ACVR1: variants seen among roughly 807,000 people sequenced by gnomAD.
The protein encoded by ACVR1 is activin A receptor type 1.
ACVR1 carries 38 observed loss-of-function variants against 57.1 expected under a neutral mutation model. The observed-to-expected ratio is 0.67, with a 90% CI of 0.51 to 0.87. The LOEUF is 0.87. ACVR1 is among the 40% of genes least tolerant of loss of function. The probability of loss-of-function intolerance (pLI) is 0.00; values close to 1 mark genes in which losing one functional copy is unlikely to be tolerated. For missense variants in ACVR1, 463 were observed against 638.2 expected (o/e 0.73, Z 2.96); for synonymous variants, 212 against 228.1 (o/e 0.93, Z 0.63).
rs1158994830 is a variant in ACVR1, at chr2:157,737,236, CT to C, written c.*294del. 4 of 489,574 alleles carry C rather than the reference CT, an allele frequency of 8.2e-6. No homozygotes were observed. The highest frequency in any genetic ancestry group is 1.5e-5 in the Non-Finnish European group (4 of 267,680). 30.3% of individuals were successfully genotyped at this position (489,574 alleles called of 1,614,324 possible). A position where few individuals can be genotyped will look rare whatever the true frequency, so the allele number is the denominator to read the frequency against. Reference sequence around the variant, plus strand: ...AGCCACTGACTTAATGCCCAGATCTCTTTTAGGATTTCTCTGTGTTCCTCCA... The same window carrying C: ...AGCCACTGACTTAATGCCCAGATCTCTTTAGGATTTCTCTGTGTTCCTCCA... On this transcript the variant is annotated 3_prime_UTR_variant, in exon 11 of 11. Transcript: ENST00000434821.
intron 6 of ACVR1, among the ~76,000 whole-genome samples, chr2:157,773,035 T>C (rs1012250130): frequency 1.3e-5 from 2 of 152,060 alleles, no homozygotes; most frequent in East Asian, 3.9e-4. Flanking sequence ...GGGGGCAGCT[T>C]ATAGGTCACC....
At chr2:157,786,527 A>T (rs1294548754) in intron 3 of ACVR1, among the ~76,000 whole-genome samples, 1 of 152,202 alleles carries the variant, frequency 6.6e-6, no homozygotes, top group Non-Finnish European at 1.5e-5. Flanking sequence ...ATTTCTTCCT[A>T]GAAGAGCTTG....
In ACVR1 at chr2:157,780,542, G is replaced by T; in HGVS notation, c.126C>A (p.Cys42Ter). ...GGCCTTCACAGTGGTCCTCATTACCGCAGGAGAGACCTTCACACACACACA... is the reference window on the plus strand; with the variant it reads ...GGCCTTCACAGTGGTCCTCATTACCTCAGGAGAGACCTTCACACACACACA... ...LYMCVCEGLS[C>*]GNEDHCEGQQ... is the part of the protein sequence containing the mutation. Residue 42 changes from cysteine (C) to a stop codon, truncating the protein, a stop_gained, in exon 4 of 11, where the codon TGC becomes TGA. Transcript: ENST00000434821. LOFTEE classifies it high-confidence loss of function. The T allele has an allele frequency of 6.2e-7, 1 of 1,613,814 alleles. No homozygotes were observed. The highest frequency in any genetic ancestry group is 8.5e-7 in the Non-Finnish European group (1 of 1,179,982).
chr2:157,859,049 CA>C (rs1238913112), intron 1 of ACVR1, among the ~76,000 whole-genome samples: 2 of 152,176 alleles, frequency 1.3e-5, no homozygotes, highest in Non-Finnish European at 2.9e-5. Flanking sequence ...GCATTTGAAT[CA>C]GAGCAACTCC....
At chr2:157,843,496 T>C (rs1195664298) in intron 1 of ACVR1, among the ~76,000 whole-genome samples, 1 of 152,146 alleles carries the variant, frequency 6.6e-6, no homozygotes, top group African/African-American at 2.4e-5. Context: ...AATTATCATC[T>C]CCATTACACA....
At chr2:157,770,625 T>A in intron 6 of ACVR1, 111 bp from the exon 7 acceptor site, 1 of 1,097,814 alleles carries the variant, frequency 9.1e-7, no homozygotes. Flanking sequence ...CCTCCATTGC[T>A]TACTGGAGAA....
chr2:157,814,397 G>A (rs2105324465), intron 2 of ACVR1, among the ~76,000 whole-genome samples: 1 of 152,198 alleles, frequency 6.6e-6, no homozygotes, highest in Non-Finnish European at 1.5e-5. Flanking sequence ...ATCAAACTAA[G>A]AAAAATGCAA....
intron 9 of ACVR1, among the ~76,000 whole-genome samples, chr2:157,760,456 T>C (rs932203887): frequency 6.6e-6 from 1 of 152,214 alleles, no homozygotes; most frequent in African/African-American, 2.4e-5. Context: ...GAAGAGACTA[T>C]TTGAAATGTT....
intron 1 of ACVR1, among the ~76,000 whole-genome samples, chr2:157,848,804 G>C (rs1689208184): frequency 6.6e-6 from 1 of 152,146 alleles, no homozygotes; most frequent in Non-Finnish European, 1.5e-5. Context: ...GTTGATGGTT[G>C]AAAGTCAAGG....
At chr2:157,806,289 C>T (rs1345931879) in intron 2 of ACVR1, among the ~76,000 whole-genome samples, 1 of 152,040 alleles carries the variant, frequency 6.6e-6, no homozygotes, top group Non-Finnish European at 1.5e-5. Context: ...TACTCTGTGA[C>T]CCCCAATCAT....
chr2:157,790,778 C>T (rs1331388036), intron 3 of ACVR1, among the ~76,000 whole-genome samples: 1 of 152,204 alleles, frequency 6.6e-6, no homozygotes, highest in East Asian at 1.9e-4. Flanking sequence ...CCCTTTACTT[C>T]TCATCTTGCC....
At chr2:157,789,090 T>C (rs775791030) in intron 3 of ACVR1, among the ~76,000 whole-genome samples, 3 of 152,200 alleles carry the variant, frequency 2.0e-5, no homozygotes, top group Non-Finnish European at 4.4e-5. Flanking sequence ...TTGAACAAGA[T>C]TGGCTTATCA....
At chr2:157,778,484 C>A (rs898710015) in intron 4 of ACVR1, 142 bp from the exon 5 acceptor site, 35 of 703,574 alleles carry the variant, frequency 5.0e-5, no homozygotes, top group Non-Finnish European at 4.6e-5. Context: ...AAAACACTTC[C>A]TAATGCCTGG....
At chr2:157,846,936 T>C (rs1313955155) in intron 1 of ACVR1, among the ~76,000 whole-genome samples, 2 of 152,200 alleles carry the variant, frequency 1.3e-5, no homozygotes, top group Non-Finnish European at 2.9e-5. Context: ...AGCAGTTATA[T>C]TCCTCTATTA....
At chr2:157,739,719 C>T (rs150298340) in intron 9 of ACVR1, among the ~76,000 whole-genome samples, 1 of 152,300 alleles carries the variant, frequency 6.6e-6, no homozygotes, top group Non-Finnish European at 1.5e-5. Flanking sequence ...ACAGAAATTA[C>T]TCAACAGTGG....
At chr2:157,848,235 G>A (rs1251992776) in intron 1 of ACVR1, among the ~76,000 whole-genome samples, 1 of 152,166 alleles carries the variant, frequency 6.6e-6, no homozygotes. Flanking sequence ...TTGACCAACA[G>A]AATATGGTGG....
chr2:157,783,920 C>A (rs57428296), intron 3 of ACVR1, among the ~76,000 whole-genome samples: 3,693 of 152,304 alleles, frequency 0.024, 157 homozygotes, highest in African/African-American at 0.084. Context: ...CACACAGGTG[C>A]ACACACATGC....
chr2:157,815,615 A>T (rs964383249), intron 2 of ACVR1, among the ~76,000 whole-genome samples: 3 of 152,168 alleles, frequency 2.0e-5, no homozygotes, highest in African/African-American at 7.2e-5. Flanking sequence ...ATAAACATAT[A>T]CACAAAATAA....
intron 9 of ACVR1, among the ~76,000 whole-genome samples, chr2:157,752,277 G>A (rs1355251531): frequency 6.6e-6 from 1 of 152,162 alleles, no homozygotes; most frequent in African/African-American, 2.4e-5. Context: ...TACATAAAGA[G>A]AGCACCCTGT....
Sources: gnomAD v4.1 joint callset for allele counts (sites outside exome capture counted in the v4.1 genomes callset) on GRCh38, gnomAD v4.1.1 for gene constraint, MANE v1.5 for transcripts, NCBI Gene and HGNC (gene_info 2026-07-23, HGNC 2026-07-21) for gene names.